Variants in SARNP observed in about 807,000 individuals in gnomAD.
SARNP encodes the protein SAP domain containing ribonucleoprotein.
In SARNP, 5 loss-of-function variants were observed where a neutral mutation model predicts 38.1. The observed-to-expected ratio is 0.13, with a 90% CI of 0.07 to 0.28. SARNP has a LOEUF of 0.28. SARNP is among the 10% of genes least tolerant of loss of function. The pLI is 1.00. For missense variants in SARNP, 180 were observed against 243.9 expected (o/e 0.74, Z 1.75); for synonymous variants, 84 against 80.6 (o/e 1.04, Z -0.23).
In SARNP at chr12:55,757,446, T is replaced by C; in HGVS notation, c.*66A>G. 1 of 1,426,812 alleles carries C rather than the reference T, an allele frequency of 7.0e-7. No individual in the cohort carries two copies. The highest frequency in any genetic ancestry group is 9.7e-7 in the Non-Finnish European group (1 of 1,028,648). The allele number at this position is 1,426,812 out of a possible 1,614,324, so 88.4% of individuals were successfully genotyped here. ...GCACATGACTGTGCATTTAGGCATATATGTGACCAAGAAGAAGGAGAGAAA... is the reference window on the plus strand; with the variant it reads ...GCACATGACTGTGCATTTAGGCATACATGTGACCAAGAAGAAGGAGAGAAA... On this transcript the variant is annotated 3_prime_UTR_variant, in exon 11 of 11. Transcript: ENST00000336133.
At chr12:55,783,604 GGA>G (rs1271630316) in intron 9 of SARNP, among the ~76,000 whole-genome samples, 3 of 152,050 alleles carry the variant, frequency 2.0e-5, no homozygotes, top group Non-Finnish European at 4.4e-5. Context: ...GGAGGAGGTG[GGA>G]GAGAGATTTC....
At chr12:55,801,821 C>T (rs1294941902) in intron 2 of SARNP, among the ~76,000 whole-genome samples, 1 of 152,122 alleles carries the variant, frequency 6.6e-6, no homozygotes, top group African/African-American at 2.4e-5. Context: ...TCTCACTATG[C>T]TGCCCAGACT....
intron 5 of SARNP, 66 bp from the exon 6 acceptor site, chr12:55,794,946 G>A: frequency 2.4e-6 from 1 of 425,054 alleles, no homozygotes; most frequent in South Asian, 2.2e-5. Context: ...TCAGTCAGAG[G>A]TAGGTATCTT....
intron 9 of SARNP, among the ~76,000 whole-genome samples, chr12:55,781,530 T>C (rs1374153934): frequency 1.5e-5 from 2 of 132,854 alleles, no homozygotes; most frequent in African/African-American, 5.9e-5. Flanking sequence ...CGAAACTCCG[T>C]CTCAAAAAAA....
intron 1 of SARNP, among the ~76,000 whole-genome samples, chr12:55,817,210 C>T (rs1274387556): frequency 4.6e-5 from 7 of 151,968 alleles, no homozygotes; most frequent in Non-Finnish European, 1.0e-4. Flanking sequence ...GTGTCTGGTA[C>T]CTATTTAGAC....
At chr12:55,804,331 T>C (rs946360239) in intron 1 of SARNP, among the ~76,000 whole-genome samples, 1 of 151,940 alleles carries the variant, frequency 6.6e-6, no homozygotes, top group Non-Finnish European at 1.5e-5. Context: ...ATAAAAGCTA[T>C]GTTCATCAAT....
At position 55,817,653 on chromosome 12, in the gene SARNP, C is replaced by G. The variant is rs568784347; in HGVS notation, c.36+13G>C. 7.5e-6 allele frequency: 12 copies of G among 1,610,730 alleles called. No individual in the cohort carries two copies. The South Asian group carries it at 1.3e-4, about 18-fold the overall frequency. ...AGAAAAGTCCAACTCAGCCCTTCCCCGATTCACGGTACCTTTAGCTTATGG... is the reference window on the plus strand; with the variant it reads ...AGAAAAGTCCAACTCAGCCCTTCCCGGATTCACGGTACCTTTAGCTTATGG... On this transcript the variant is annotated intron_variant, in intron 1 of 10. Transcript: ENST00000336133.
intron 6 of SARNP, 29 bp downstream of exon 6, chr12:55,794,778 C>A (rs764078285): frequency 4.3e-6 from 6 of 1,395,584 alleles, no homozygotes; most frequent in Non-Finnish European, 5.1e-6. Context: ...ACACCCCTAT[C>A]AGAGGCCCAA....
chr12:55,810,791 C>G (rs891222335), intron 1 of SARNP, among the ~76,000 whole-genome samples: 3 of 151,108 alleles, frequency 2.0e-5, no homozygotes, highest in East Asian at 2.0e-4. Context: ...ATCTTTTTCA[C>G]GTTGGCCAGG....
chr12:55,794,512 T>C lies in SARNP; in HGVS notation c.378-125A>G, dbSNP rs988542289. 4 of 847,774 alleles carry C rather than the reference T, an allele frequency of 4.7e-6. No individual in the cohort carries two copies. In the African/African-American group the frequency reaches 5.2e-5, roughly 11 times the overall value. 52.5% of individuals were successfully genotyped at this position (847,774 alleles called of 1,614,324 possible). A position where few individuals can be genotyped will look rare whatever the true frequency, so the allele number is the denominator to read the frequency against. Reference sequence around the variant, plus strand: ...CTCAAGCCTTGCAATCATTAGCTAATTCTAACAACCCCATGAAAGAGGTTC... The same window carrying C: ...CTCAAGCCTTGCAATCATTAGCTAACTCTAACAACCCCATGAAAGAGGTTC... On this transcript the variant is annotated intron_variant, in intron 6 of 10. Coordinates refer to ENST00000336133, the MANE Select transcript of SARNP (RefSeq NM_033082.4).
At chr12:55,816,116 A>C (rs1880475509) in intron 1 of SARNP, among the ~76,000 whole-genome samples, 2 of 152,242 alleles carry the variant, frequency 1.3e-5, no homozygotes, top group Admixed American at 1.3e-4. Flanking sequence ...TACAGATTTG[A>C]TGGAAGGAGG....
At chr12:55,798,976 G>A (rs947375688) in intron 4 of SARNP, among the ~76,000 whole-genome samples, 1 of 151,988 alleles carries the variant, frequency 6.6e-6, no homozygotes, top group Non-Finnish European at 1.5e-5. Context: ...ACAATGCCTA[G>A]CATATAACTA....
At chr12:55,759,006 G>T (rs1592552044) in intron 10 of SARNP, among the ~76,000 whole-genome samples, 1 of 151,302 alleles carries the variant, frequency 6.6e-6, no homozygotes, top group Non-Finnish European at 1.5e-5. Flanking sequence ...AGCCTCTGGA[G>T]TAGCTGGGAC....
chr12:55,761,845 T>C (rs1448385724), intron 9 of SARNP: 1 of 152,180 alleles, frequency 6.6e-6, no homozygotes, highest in Non-Finnish European at 1.5e-5. Flanking sequence ...GGAAGGACTT[T>C]CTAAAATTTG....
At chr12:55,755,888 C>G (rs1878492047), downstream of SARNP, 1 of 152,048 alleles carries the variant, frequency 6.6e-6, no homozygotes, top group African/African-American at 2.4e-5. Context: ...AGAAGAGAAT[C>G]CTGGCAAGTA....
At chr12:55,760,119 A>G (rs973321136) in intron 10 of SARNP, among the ~76,000 whole-genome samples, 2 of 152,240 alleles carry the variant, frequency 1.3e-5, no homozygotes, top group Non-Finnish European at 2.9e-5. Flanking sequence ...CTAACACTGA[A>G]TTAAGTATAT....
At chr12:55,817,254 G>A (rs997928070) in intron 1 of SARNP, among the ~76,000 whole-genome samples, 6 of 152,126 alleles carry the variant, frequency 3.9e-5, no homozygotes, top group Non-Finnish European at 8.8e-5. Context: ...TTTGCTAACA[G>A]GGAAATCTCA....
intron 9 of SARNP, chr12:55,761,511 A>T (rs74399249): frequency 1.3e-5 from 2 of 152,310 alleles, no homozygotes; most frequent in African/African-American, 4.8e-5. Flanking sequence ...TCAACTCTCT[A>T]AGAGAAATGC....
chr12:55,777,019 C>T (rs1169823597), intron 9 of SARNP, among the ~76,000 whole-genome samples: 1 of 152,156 alleles, frequency 6.6e-6, no homozygotes, highest in East Asian at 1.9e-4. Flanking sequence ...AGGCATAAAA[C>T]TTGTTTTTTA....
Sources: allele counts gnomAD v4.1 joint callset (sites outside exome capture counted in the v4.1 genomes callset), GRCh38; gene constraint gnomAD v4.1.1; transcripts MANE v1.5; gene names NCBI Gene and HGNC (gene_info 2026-07-23, HGNC 2026-07-21).